The following ZDHHC14 variants were observed in gnomAD, a reference collection of about 807,000 sequenced individuals.
The protein encoded by ZDHHC14 is zDHHC palmitoyltransferase 14, also known as palmitoyltransferase ZDHHC14.
In ZDHHC14, 16 loss-of-function variants were observed where a neutral mutation model predicts 47.7. The observed-to-expected ratio is 0.34, with a 90% CI of 0.23 to 0.51. ZDHHC14 has a LOEUF of 0.51. Ranked by LOEUF, ZDHHC14 falls within the 20% of genes least tolerant of loss-of-function variation. The pLI, the probability that ZDHHC14 is intolerant of heterozygous loss-of-function variation, is 0.97. For missense variants in ZDHHC14, 515 were observed against 662.5 expected (o/e 0.78, Z 2.44); for synonymous variants, 293 against 278.9 (o/e 1.05, Z -0.50).
intron 1 of ZDHHC14, among the ~76,000 whole-genome samples, chr6:157,416,746 G>A (rs1057467205): frequency 9.0e-5 from 13 of 144,816 alleles, no homozygotes; most frequent in African/African-American, 2.8e-4. Flanking sequence ...TATAGAGGCC[G>A]TTGAATGAAA....
At chr6:157,587,673 T>C (rs111909434) in intron 2 of ZDHHC14, among the ~76,000 whole-genome samples, 9,592 of 152,208 alleles carry the variant, frequency 0.063, 894 homozygotes, top group African/African-American at 0.2. Flanking sequence ...CACTGCCTGC[T>C]CTCCCTCGAA....
chr6:157,524,385 C>T (rs150599380), intron 1 of ZDHHC14, among the ~76,000 whole-genome samples: 5,043 of 152,120 alleles, frequency 0.033, 104 homozygotes, highest in South Asian at 0.054. Flanking sequence ...CTGCCTGCCT[C>T]GGCCTCCCAA....
At chr6:157,546,570 G>C (rs141170451) in intron 2 of ZDHHC14, among the ~76,000 whole-genome samples, 1 of 152,088 alleles carries the variant, frequency 6.6e-6, no homozygotes, top group South Asian at 2.1e-4. Context: ...GAATGTTCCC[G>C]ATGACTTAGG....
At chr6:157,470,280 A>G (rs537350891) in intron 1 of ZDHHC14, among the ~76,000 whole-genome samples, 1 of 152,328 alleles carries the variant, frequency 6.6e-6, no homozygotes, top group South Asian at 2.1e-4. Flanking sequence ...ATGTCCAAAA[A>G]CAGGAGAATA....
intron 1 of ZDHHC14, among the ~76,000 whole-genome samples, chr6:157,442,255 C>A (rs1024762807): frequency 1.4e-4 from 21 of 152,078 alleles, no homozygotes; most frequent in Admixed American, 9.8e-4. Flanking sequence ...TGGTGGTGCA[C>A]ACCTGTAGTC....
chr6:157,632,087 C>T (rs536085318), intron 4 of ZDHHC14: 2 of 152,272 alleles, frequency 1.3e-5, no homozygotes, highest in Non-Finnish European at 2.9e-5. Flanking sequence ...GGCCTGTGGT[C>T]AGATGCCACA....
intron 2 of ZDHHC14, among the ~76,000 whole-genome samples, chr6:157,589,397 A>G (rs1012268042): frequency 6.6e-6 from 1 of 152,132 alleles, no homozygotes; most frequent in African/African-American, 2.4e-5. Flanking sequence ...AGACATCTCA[A>G]TGCTTGATAT....
chr6:157,438,057 A>G (rs970635598), intron 1 of ZDHHC14, among the ~76,000 whole-genome samples: 1 of 152,220 alleles, frequency 6.6e-6, no homozygotes, highest in Non-Finnish European at 1.5e-5. Flanking sequence ...TTACAATTTT[A>G]ATCATTTTAA....
chr6:157,413,894 G>A (rs867430347), intron 1 of ZDHHC14, among the ~76,000 whole-genome samples: 9 of 148,916 alleles, frequency 6.0e-5, no homozygotes, highest in African/African-American at 2.0e-4. Flanking sequence ...ACGACACTGC[G>A]CAGGTCACCC....
chr6:157,602,799 G>A (rs1159431177), intron 3 of ZDHHC14, among the ~76,000 whole-genome samples: 10 of 152,238 alleles, frequency 6.6e-5, no homozygotes, highest in Non-Finnish European at 1.5e-4. Context: ...TACGTACCCA[G>A]GCTGGGTTCT....
At chr6:157,639,454 G>T (rs933275420) in intron 5 of ZDHHC14, among the ~76,000 whole-genome samples, 10 of 152,092 alleles carry the variant, frequency 6.6e-5, no homozygotes, top group Admixed American at 1.3e-4. Flanking sequence ...ACAGGCGCTC[G>T]CCACCAAGCC....
At position 157,521,298 on chromosome 6, in the gene ZDHHC14, G is replaced by A. The variant is rs144076066; in HGVS notation, c.246-21287G>A. ...CAGCACAGTGCTTATCACACAATAT[G>A]GGCTCAAAAAATTCTGGAAGCAGCC... On this transcript the variant is annotated intron_variant, in intron 1 of 8. Transcript: ENST00000359775. Among the ~76,000 whole-genome samples, 863 of 152,246 alleles carry A rather than the reference G, an allele frequency of 5.7e-3. 1 individual carries two copies. The highest frequency in any genetic ancestry group is 0.01 in the Middle Eastern group (3 of 294).
intron 3 of ZDHHC14, among the ~76,000 whole-genome samples, chr6:157,613,201 A>G (rs918365805): frequency 6.6e-6 from 1 of 152,212 alleles, no homozygotes; most frequent in Non-Finnish European, 1.5e-5. Flanking sequence ...AAATTCGAAT[A>G]AAACAGTAGC....
At chr6:157,560,663 A>T (rs549335585) in intron 2 of ZDHHC14, among the ~76,000 whole-genome samples, 1 of 152,368 alleles carries the variant, frequency 6.6e-6, no homozygotes, top group East Asian at 1.9e-4. Context: ...GAAGAAAAAA[A>T]ATCAGTAAAT....
intron 2 of ZDHHC14, among the ~76,000 whole-genome samples, chr6:157,583,933 G>C (rs1783600532): frequency 6.8e-6 from 1 of 146,190 alleles, no homozygotes; most frequent in Non-Finnish European, 1.5e-5. Flanking sequence ...GGGCAGCTGT[G>C]CTGTGGACCT....
At chr6:157,523,796 G>C (rs564384624) in intron 1 of ZDHHC14, among the ~76,000 whole-genome samples, 11 of 152,066 alleles carry the variant, frequency 7.2e-5, no homozygotes, top group Non-Finnish European at 1.5e-4. Context: ...AGCTACTCAG[G>C]AGGCTGAGGT....
At chr6:157,395,882 C>T (rs940620931) in intron 1 of ZDHHC14, among the ~76,000 whole-genome samples, 1 of 152,018 alleles carries the variant, frequency 6.6e-6, no homozygotes, top group African/African-American at 2.4e-5. Flanking sequence ...AAACTAAATC[C>T]GTGCAAAGCT....
chr6:157,418,635 C>T (rs1396971219), intron 1 of ZDHHC14, among the ~76,000 whole-genome samples: 2 of 152,204 alleles, frequency 1.3e-5, no homozygotes, highest in Admixed American at 6.5e-5. Flanking sequence ...GATTAAATTG[C>T]TTCAAGACTT....
At chr6:157,655,134 C>G (rs374923059) in intron 8 of ZDHHC14, among the ~76,000 whole-genome samples, 2 of 152,270 alleles carry the variant, frequency 1.3e-5, no homozygotes, top group East Asian at 3.9e-4. Flanking sequence ...CTCATCCACT[C>G]AAGGGACGCT....
Sources: allele counts gnomAD v4.1 joint callset (sites outside exome capture counted in the v4.1 genomes callset), GRCh38; gene constraint gnomAD v4.1.1; transcripts MANE v1.5; gene names NCBI Gene and HGNC (gene_info 2026-07-23, HGNC 2026-07-21).